Variants in ENTREP2 observed in about 807,000 individuals in gnomAD.
ENTREP2 encodes endosomal transmembrane epsin interactor 2.
At chr15:29,134,783 C>T in the ENTREP2 span, among the ~76,000 whole-genome samples, 1 of 152,190 alleles carries the variant, frequency 6.6e-6, no homozygotes, top group Admixed American at 6.5e-5. Context: ...CTGGTTGGGA[C>T]AGGGACCAGC....
chr15:29,370,406 T>C, the ENTREP2 span, among the ~76,000 whole-genome samples: 1 of 152,284 alleles, frequency 6.6e-6, no homozygotes, highest in African/African-American at 2.4e-5. Flanking sequence ...AAAGGCTTAA[T>C]CATTCAAGAA....
At chr15:29,293,415 T>C in the ENTREP2 span, among the ~76,000 whole-genome samples, 1 of 120,294 alleles carries the variant, frequency 8.3e-6, no homozygotes, top group Non-Finnish European at 2.1e-5. Context: ...GCCTGGCTAA[T>C]TTTTTGTATT....
the ENTREP2 span, among the ~76,000 whole-genome samples, chr15:29,289,829 G>C: frequency 2.0e-5 from 3 of 152,102 alleles, no homozygotes; most frequent in Non-Finnish European, 4.4e-5. Context: ...CTGGGTGACA[G>C]AGTGAGACTC....
the ENTREP2 span, chr15:29,121,842 G>A: frequency 3.9e-5 from 6 of 152,416 alleles, no homozygotes; most frequent in African/African-American, 1.4e-4. Flanking sequence ...CTGGAGGAAG[G>A]CTCTGGGCAC....
the ENTREP2 span, among the ~76,000 whole-genome samples, chr15:29,629,218 G>A: frequency 4.6e-5 from 7 of 152,020 alleles, no homozygotes; most frequent in African/African-American, 1.7e-4. Context: ...ACATAGATGG[G>A]TCATTTTTTA....
chr15:29,118,733 C>T, the ENTREP2 span, among the ~76,000 whole-genome samples: 1 of 152,226 alleles, frequency 6.6e-6, no homozygotes. Context: ...CCGCCCATCC[C>T]AGCACCCTGT....
chr15:29,201,709 C>A, the ENTREP2 span, among the ~76,000 whole-genome samples: 5 of 152,190 alleles, frequency 3.3e-5, no homozygotes, highest in South Asian at 1.0e-3. Flanking sequence ...ATCTATATTA[C>A]ATTAATAAGG....
chr15:29,596,339 C>T, the ENTREP2 span, among the ~76,000 whole-genome samples: 2 of 152,198 alleles, frequency 1.3e-5, no homozygotes, highest in African/African-American at 4.8e-5. Flanking sequence ...CTTCCAGACT[C>T]CTCTCTTTAT....
At chr15:29,541,306 G>C in the ENTREP2 span, among the ~76,000 whole-genome samples, 1 of 152,216 alleles carries the variant, frequency 6.6e-6, no homozygotes, top group African/African-American at 2.4e-5. Context: ...AATCGGTACT[G>C]AGCACCTGCC....
chr15:29,159,338 G>A, the ENTREP2 span, among the ~76,000 whole-genome samples: 6 of 152,248 alleles, frequency 3.9e-5, no homozygotes, highest in African/African-American at 1.4e-4. Flanking sequence ...AGACCTTCAC[G>A]GTGTTACAGC....
At chr15:29,142,878 AAT>A in the ENTREP2 span, among the ~76,000 whole-genome samples, 11 of 152,190 alleles carry the variant, frequency 7.2e-5, no homozygotes, top group African/African-American at 2.7e-4. Flanking sequence ...ACAAAAAAAA[AAT>A]GACATTACAG....
chr15:29,574,043 A>T, the ENTREP2 span, among the ~76,000 whole-genome samples: 3 of 152,176 alleles, frequency 2.0e-5, no homozygotes, highest in African/African-American at 7.2e-5. Context: ...GAGGAAAAGA[A>T]CAGAAAGAAG....
chr15:29,595,058 A>C, the ENTREP2 span, among the ~76,000 whole-genome samples: 1 of 106,504 alleles, frequency 9.4e-6, no homozygotes. Context: ...ACAGAGTCAG[A>C]CTCCGTCTCA....
At chr15:29,384,374 C>T in the ENTREP2 span, among the ~76,000 whole-genome samples, 3 of 152,152 alleles carry the variant, frequency 2.0e-5, no homozygotes, top group South Asian at 2.1e-4. Flanking sequence ...CTCCATTTCC[C>T]GGTTCATCTC....
chr15:29,349,378 A>G, the ENTREP2 span, among the ~76,000 whole-genome samples: 1 of 152,362 alleles, frequency 6.6e-6, no homozygotes, highest in African/African-American at 2.4e-5. Context: ...AATGTGTACA[A>G]GCTATATTGC....
chr15:29,342,342 G>C, the ENTREP2 span, among the ~76,000 whole-genome samples: 1 of 152,190 alleles, frequency 6.6e-6, no homozygotes, highest in Non-Finnish European at 1.5e-5. Flanking sequence ...CAGCTCTATA[G>C]GAATGCGAAA....
chr15:29,204,491 C>T, the ENTREP2 span, among the ~76,000 whole-genome samples: 1 of 152,046 alleles, frequency 6.6e-6, no homozygotes, highest in Non-Finnish European at 1.5e-5. Context: ...CACACCAAGG[C>T]CAGTATCCTT....
At chr15:29,287,062 G>C in the ENTREP2 span, among the ~76,000 whole-genome samples, 1 of 152,130 alleles carries the variant, frequency 6.6e-6, no homozygotes, top group Non-Finnish European at 1.5e-5. Context: ...CACCAGATGG[G>C]GCAATAACGC....
chr15:29,572,014 T>C, the ENTREP2 span, among the ~76,000 whole-genome samples: 5 of 152,198 alleles, frequency 3.3e-5, no homozygotes, highest in Admixed American at 6.5e-5. Context: ...CTAGAGAGTG[T>C]AGTCCCAAAA....
Sources: allele counts gnomAD v4.1 joint callset (sites outside exome capture counted in the v4.1 genomes callset), GRCh38; gene constraint gnomAD v4.1.1; transcripts MANE v1.5; gene names NCBI Gene and HGNC (gene_info 2026-07-23, HGNC 2026-07-21).